LRRTM4: variants seen among roughly 807,000 people sequenced by gnomAD.
The protein encoded by LRRTM4 is leucine-rich repeat transmembrane neuronal protein 4.
Under a neutral mutation model 47.6 loss-of-function variants are expected in LRRTM4, and 25 were observed. That is an observed-to-expected ratio of 0.53 (90% CI 0.38 to 0.73). The LOEUF (loss-of-function observed/expected upper bound fraction) is 0.73, where lower values mean the gene tolerates loss of function less well. LRRTM4 is among the 30% of genes least tolerant of loss of function. LRRTM4 has a pLI of 0.00. For synonymous variants in LRRTM4, 311 were observed against 269.5 expected, an observed-to-expected ratio of 1.15 and a Z score of -1.51; for missense variants, 638 against 713.4, an observed-to-expected ratio of 0.89 and a Z score of 1.20.
In LRRTM4 at chr2:77,374,003, T is replaced by C. The variant is rs534122062; in HGVS notation, c.1551+144315A>G. Among the ~76,000 whole-genome samples, 3 of 151,926 alleles carry C rather than the reference T, an allele frequency of 2.0e-5. No homozygotes were observed. The Admixed American group carries it at 2.0e-4, about 10-fold the overall frequency. Reference sequence around the variant, plus strand: ...CAAAGCCTTGCTGGAAATGAGAGACTGGACAGGGAGATTTTGACCTTCACT... The same window carrying C: ...CAAAGCCTTGCTGGAAATGAGAGACCGGACAGGGAGATTTTGACCTTCACT... On this transcript the variant is annotated intron_variant, in intron 3 of 3. Transcript: ENST00000409884.
intron 3 of LRRTM4, among the ~76,000 whole-genome samples, chr2:76,838,425 A>T (rs541761719): frequency 1.4e-4 from 22 of 152,246 alleles, no homozygotes; most frequent in African/African-American, 5.3e-4. Context: ...TTGAGTAGGG[A>T]CAAATAATGT....
At chr2:77,480,823 GAGAGAGA>G (rs1677662302) in intron 3 of LRRTM4, among the ~76,000 whole-genome samples, 1 of 24,508 alleles carries the variant, frequency 4.1e-5, no homozygotes, top group African/African-American at 1.3e-4. Flanking sequence ...TGTGTGTGTG[GAGAGAGA>G]GAGAGAGAGA....
intron 3 of LRRTM4, among the ~76,000 whole-genome samples, chr2:77,018,259 CT>C (rs59294966): frequency 0.021 from 1,537 of 74,864 alleles, 16 homozygotes; most frequent in African/African-American, 0.066. Flanking sequence ...CTCTTGATTG[CT>C]TTTTTTTTTT....
intron 3 of LRRTM4, among the ~76,000 whole-genome samples, chr2:76,910,333 C>T (rs1285642440): frequency 9.4e-6 from 1 of 106,932 alleles, no homozygotes; most frequent in Admixed American, 1.4e-4. Context: ...ACATCACACT[C>T]TGGGGACTGT....
chr2:77,504,354 C>T (rs887360039), intron 3 of LRRTM4, among the ~76,000 whole-genome samples: 1 of 151,436 alleles, frequency 6.6e-6, no homozygotes, highest in Non-Finnish European at 1.5e-5. Flanking sequence ...TTATTATTTG[C>T]AGAAATAGTT....
At chr2:76,815,035 C>T (rs150103135) in intron 3 of LRRTM4, among the ~76,000 whole-genome samples, 36 of 151,980 alleles carry the variant, frequency 2.4e-4, no homozygotes, top group Non-Finnish European at 3.4e-4. Flanking sequence ...GAAGCGGAGA[C>T]GTGTGTGGGA....
intron 3 of LRRTM4, among the ~76,000 whole-genome samples, chr2:76,904,102 G>A: frequency 6.6e-6 from 1 of 152,182 alleles, no homozygotes; most frequent in East Asian, 1.9e-4. Context: ...CAACTGAAAT[G>A]GAGGAGAGAA....
intron 3 of LRRTM4, among the ~76,000 whole-genome samples, chr2:77,270,156 C>T (rs1428146859): frequency 6.6e-6 from 1 of 152,172 alleles, no homozygotes; most frequent in Non-Finnish European, 1.5e-5. Flanking sequence ...AAGTAAAAAC[C>T]TCTACCTTAA....
At chr2:77,406,449 A>G (rs74608695) in intron 3 of LRRTM4, among the ~76,000 whole-genome samples, 4,432 of 152,016 alleles carry the variant, frequency 0.029, 215 homozygotes, top group African/African-American at 0.1. Flanking sequence ...AACCTCGTGA[A>G]TAGGTGACCC....
At chr2:76,883,598 T>C (rs1672990920) in intron 3 of LRRTM4, among the ~76,000 whole-genome samples, 3 of 152,276 alleles carry the variant, frequency 2.0e-5, no homozygotes, top group East Asian at 3.9e-4. Context: ...AAGACTCCTG[T>C]TAGCAAACAA....
intron 3 of LRRTM4, among the ~76,000 whole-genome samples, chr2:77,078,552 C>T (rs1205214500): frequency 6.6e-6 from 1 of 152,000 alleles, no homozygotes; most frequent in Non-Finnish European, 1.5e-5. Flanking sequence ...ATTAACATAG[C>T]AAGTCAGAAA....
chr2:76,929,779 T>A (rs1224729427), intron 3 of LRRTM4, among the ~76,000 whole-genome samples: 1 of 152,184 alleles, frequency 6.6e-6, no homozygotes, highest in Non-Finnish European at 1.5e-5. Flanking sequence ...AGTGATCTGA[T>A]TAAAAAATAA....
chr2:77,002,646 T>C (rs1416319076), intron 3 of LRRTM4, among the ~76,000 whole-genome samples: 1 of 152,156 alleles, frequency 6.6e-6, no homozygotes, highest in Non-Finnish European at 1.5e-5. Flanking sequence ...CCCAAGACTT[T>C]ACTCCACAGT....
intron 3 of LRRTM4, among the ~76,000 whole-genome samples, chr2:77,511,928 A>G (rs1679027432): frequency 6.6e-6 from 1 of 152,096 alleles, no homozygotes; most frequent in South Asian, 2.1e-4. Flanking sequence ...AAGTAAACTT[A>G]AGGTGTTAGC....
At chr2:77,076,035 G>C (rs1034985960) in intron 3 of LRRTM4, among the ~76,000 whole-genome samples, 1 of 149,884 alleles carries the variant, frequency 6.7e-6, no homozygotes, top group Non-Finnish European at 1.5e-5. Context: ...ATTTATATCA[G>C]TACTTTCTCC....
chr2:76,872,291 T>C (rs915435598), intron 3 of LRRTM4, among the ~76,000 whole-genome samples: 3 of 152,076 alleles, frequency 2.0e-5, no homozygotes, highest in East Asian at 1.9e-4. Context: ...TAAAACAATA[T>C]TGCAACATTG....
chr2:76,788,115 C>G (rs1359982275), intron 3 of LRRTM4, among the ~76,000 whole-genome samples: 2 of 152,080 alleles, frequency 1.3e-5, no homozygotes, highest in Non-Finnish European at 1.5e-5. Flanking sequence ...TGCTCTGATA[C>G]AATCATGATT....
intron 3 of LRRTM4, among the ~76,000 whole-genome samples, chr2:76,778,916 T>G (rs1402586665): frequency 6.6e-6 from 1 of 151,344 alleles, no homozygotes. Context: ...AAATTTCCCT[T>G]TACACACTGC....
intron 3 of LRRTM4, among the ~76,000 whole-genome samples, chr2:77,070,070 C>T (rs547821698): frequency 1.3e-5 from 2 of 151,824 alleles, no homozygotes; most frequent in South Asian, 2.1e-4. Context: ...TATATAAAAT[C>T]GGAAATGAGG....
Sources: allele counts gnomAD v4.1 joint callset (sites outside exome capture counted in the v4.1 genomes callset), GRCh38; gene constraint gnomAD v4.1.1; transcripts MANE v1.5; gene names NCBI Gene and HGNC (gene_info 2026-07-23, HGNC 2026-07-21).